The following FHIT variants were observed in gnomAD, a reference collection of about 807,000 sequenced individuals.
FHIT encodes fragile histidine triad diadenosine triphosphatase.
In FHIT, 19 loss-of-function variants were observed where a neutral mutation model predicts 17.9. The observed-to-expected ratio is 1.06, with a 90% CI of 0.74 to 1.56. The LOEUF is 1.56. Ranked by LOEUF, FHIT falls within the 40% of genes most tolerant of loss-of-function variation. The pLI is 0.00. For missense variants in FHIT, 248 were observed against 189.2 expected, an observed-to-expected ratio of 1.31 and a Z score of -1.82; for synonymous variants, 81 against 69.7, an observed-to-expected ratio of 1.16 and a Z score of -0.81.
At chr3:60,982,594 G>A (rs753215195) in intron 3 of FHIT, among the ~76,000 whole-genome samples, 20 of 152,028 alleles carry the variant, frequency 1.3e-4, no homozygotes, top group East Asian at 1.9e-4. Context: ...CCTCCTCCCC[G>A]TTTGTACAGA....
At chr3:59,921,130 G>C (rs1186906720) in intron 8 of FHIT, among the ~76,000 whole-genome samples, 1 of 152,194 alleles carries the variant, frequency 6.6e-6, no homozygotes, top group Non-Finnish European at 1.5e-5. Context: ...CAAAGCAAAA[G>C]ATAGTAAGGG....
chr3:60,374,614 C>T (rs1014929807), intron 5 of FHIT, among the ~76,000 whole-genome samples: 2 of 150,202 alleles, frequency 1.3e-5, no homozygotes, highest in Middle Eastern at 3.4e-3. Context: ...ACCTACAACA[C>T]GGCCTCTTAG....
chr3:59,869,336 G>A (rs1702804957), intron 8 of FHIT, among the ~76,000 whole-genome samples: 1 of 151,990 alleles, frequency 6.6e-6, no homozygotes, highest in Non-Finnish European at 1.5e-5. Context: ...CCCAAATTCT[G>A]TAACCATTAC....
intron 2 of FHIT, among the ~76,000 whole-genome samples, chr3:61,050,363 A>G (rs1404869667): frequency 6.6e-6 from 1 of 152,222 alleles, no homozygotes; most frequent in African/African-American, 2.4e-5. Context: ...ATTAAAAAAA[A>G]GGAGACAAGC....
intron 4 of FHIT, among the ~76,000 whole-genome samples, chr3:60,663,715 G>A (rs1036853478): frequency 7.9e-5 from 12 of 151,978 alleles, no homozygotes; most frequent in Non-Finnish European, 1.3e-4. Context: ...CACTGCACCC[G>A]GCCTCTGTAC....
intron 5 of FHIT, among the ~76,000 whole-genome samples, chr3:60,280,605 C>T (rs948380040): frequency 2.0e-5 from 3 of 152,110 alleles, no homozygotes; most frequent in Non-Finnish European, 4.4e-5. Context: ...TATGGAGCTA[C>T]CAGAAGCTGT....
intron 8 of FHIT, among the ~76,000 whole-genome samples, chr3:59,855,735 A>G (rs1465943856): frequency 6.6e-6 from 1 of 152,166 alleles, no homozygotes; most frequent in African/African-American, 2.4e-5. Flanking sequence ...AAGATCAAAA[A>G]AGTCAAAAGT....
At chr3:60,597,150 TG>T (rs1290942662) in intron 4 of FHIT, among the ~76,000 whole-genome samples, 3 of 152,078 alleles carry the variant, frequency 2.0e-5, no homozygotes, top group Non-Finnish European at 4.4e-5. Flanking sequence ...AGATAATGGT[TG>T]GGGGAGGAGA....
chr3:61,186,706 G>T (rs983301131), intron 2 of FHIT, among the ~76,000 whole-genome samples: 1 of 152,190 alleles, frequency 6.6e-6, no homozygotes, highest in Non-Finnish European at 1.5e-5. Flanking sequence ...TGTCAAATGA[G>T]TAAGCTATCC....
At chr3:61,178,330 A>G (rs1397400289) in intron 2 of FHIT, among the ~76,000 whole-genome samples, 1 of 151,916 alleles carries the variant, frequency 6.6e-6, no homozygotes, top group African/African-American at 2.4e-5. Context: ...ATCCACTTGC[A>G]CACCCAACAG....
intron 2 of FHIT, among the ~76,000 whole-genome samples, chr3:61,165,993 G>A (rs934143121): frequency 4.6e-5 from 7 of 152,106 alleles, no homozygotes; most frequent in Non-Finnish European, 1.0e-4. Flanking sequence ...CTTAAGGCCT[G>A]GAACCCAGGG....
At chr3:60,101,399 C>G (rs1001126130) in intron 5 of FHIT, among the ~76,000 whole-genome samples, 5 of 152,218 alleles carry the variant, frequency 3.3e-5, no homozygotes, top group Non-Finnish European at 7.3e-5. Context: ...GAGCTCTCTT[C>G]TTTCAGCTCC....
At chr3:60,721,471 A>G (rs2041808161) in intron 4 of FHIT, among the ~76,000 whole-genome samples, 1 of 152,190 alleles carries the variant, frequency 6.6e-6, no homozygotes, top group African/African-American at 2.4e-5. Flanking sequence ...TTTGAGAACC[A>G]TTTACAATTA....
chr3:60,234,848 C>T (rs1235397968), intron 5 of FHIT, among the ~76,000 whole-genome samples: 2 of 152,162 alleles, frequency 1.3e-5, no homozygotes, highest in Non-Finnish European at 2.9e-5. Flanking sequence ...AGTGATAGGA[C>T]ACTGACTGGT....
chr3:59,940,227 G>A (rs1380628661), intron 7 of FHIT, among the ~76,000 whole-genome samples: 2 of 152,290 alleles, frequency 1.3e-5, no homozygotes, highest in Middle Eastern at 3.4e-3. Flanking sequence ...TAAGGTGTTT[G>A]CAGCTATCAT....
At chr3:59,867,672 T>C (rs753635856) in intron 8 of FHIT, among the ~76,000 whole-genome samples, 27 of 152,128 alleles carry the variant, frequency 1.8e-4, no homozygotes, top group Non-Finnish European at 3.4e-4. Context: ...CTTTTTGGTA[T>C]GCCTTAGCCA....
At chr3:60,518,007 CT>C (rs2035223272) in intron 5 of FHIT, among the ~76,000 whole-genome samples, 1 of 152,066 alleles carries the variant, frequency 6.6e-6, no homozygotes, top group Non-Finnish European at 1.5e-5. Context: ...GTTCCATGAA[CT>C]TGTTGGTGAT....
At chr3:61,158,006 CAG>C (rs952668292) in intron 2 of FHIT, among the ~76,000 whole-genome samples, 1 of 152,034 alleles carries the variant, frequency 6.6e-6, no homozygotes, top group African/African-American at 2.4e-5. Context: ...TAAAATAAAA[CAG>C]AATTTACCAT....
At chr3:59,769,924 GAAATGACAGTAGAAGGAATTCTGATGGTC>G (rs1267688305) in intron 8 of FHIT, among the ~76,000 whole-genome samples, 1 of 152,198 alleles carries the variant, frequency 6.6e-6, no homozygotes, top group Non-Finnish European at 1.5e-5. Context: ...AAACTGAGGA[GAAATGACAGTAGAAGGAATTCTGATGGTC>G]AAATGACAGA....
Sources: allele counts gnomAD v4.1 joint callset (sites outside exome capture counted in the v4.1 genomes callset), GRCh38; gene constraint gnomAD v4.1.1; transcripts MANE v1.5; gene names NCBI Gene and HGNC (gene_info 2026-07-23, HGNC 2026-07-21).